The following POLD3 variants were observed in gnomAD, a reference collection of about 807,000 sequenced individuals.
POLD3 encodes DNA polymerase delta 3, accessory subunit.
Under a neutral mutation model 58.2 loss-of-function variants are expected in POLD3, and 19 were observed. The observed-to-expected ratio is 0.33, with a 90% CI of 0.23 to 0.48. The LOEUF (loss-of-function observed/expected upper bound fraction) is 0.48, where lower values mean the gene tolerates loss of function less well. Ranked by LOEUF, POLD3 falls within the 20% of genes least tolerant of loss-of-function variation. The pLI is 0.99. For synonymous variants in POLD3, 172 were observed against 193.5 expected (o/e 0.89, Z 0.92); for missense variants, 504 against 545.5 (o/e 0.92, Z 0.76).
intron 2 of POLD3, among the ~76,000 whole-genome samples, chr11:74,597,995 T>C (rs2031338547): frequency 6.6e-6 from 1 of 152,058 alleles, no homozygotes; most frequent in Admixed American, 6.6e-5. Flanking sequence ...GCAGGAGAAT[T>C]GTCTGAGCCC....
intron 4 of POLD3, among the ~76,000 whole-genome samples, chr11:74,664,788 C>A (rs1391956701): frequency 6.6e-6 from 1 of 152,158 alleles, no homozygotes; most frequent in Non-Finnish European, 1.5e-5. Context: ...AGGACAAAAA[C>A]CACACAATCA....
chr11:74,655,294 A>G (rs2033119611), intron 4 of POLD3, among the ~76,000 whole-genome samples: 1 of 152,284 alleles, frequency 6.6e-6, no homozygotes, highest in South Asian at 2.1e-4. Flanking sequence ...CGGAAATGAA[A>G]CAAACGAGAG....
intron 4 of POLD3, among the ~76,000 whole-genome samples, chr11:74,665,123 TA>T (rs1468269139): frequency 7.1e-6 from 1 of 140,946 alleles, no homozygotes; most frequent in East Asian, 2.0e-4. Context: ...AAAAATAAAA[TA>T]AATAAATAAA....
chr11:74,649,720 C>T (rs2033043948), intron 4 of POLD3, among the ~76,000 whole-genome samples: 1 of 152,092 alleles, frequency 6.6e-6, no homozygotes, highest in South Asian at 2.1e-4. Flanking sequence ...GAGACAGTTG[C>T]TTTTTGGCCA....
chr11:74,638,990 C>A (rs1591320247), intron 11 of POLD3, among the ~76,000 whole-genome samples: 1 of 152,164 alleles, frequency 6.6e-6, no homozygotes, highest in East Asian at 1.9e-4. Context: ...TGGGAACTCT[C>A]TGGGAAGGGA....
Position 74,634,657 on chromosome 11 carries a change from C to A in POLD3, c.1081C>A (p.Pro361Thr). The A allele has an allele frequency of 6.2e-7, 1 of 1,612,644 alleles. No individual in the cohort carries two copies. The highest frequency in any genetic ancestry group is 2.2e-5 in the East Asian group (1 of 44,844). The change falls in exon 10 of 12, where the codon CCA becomes ACA. Residue 361 changes from proline (P) to threonine (T), a missense_variant. Coordinates refer to ENST00000263681, the MANE Select transcript of POLD3 (RefSeq NM_006591.3). Reference sequence around the variant, plus strand: ...TCCTCCTCCGTCTCCACCTCTTGAACCAGTGCCAAAGACTGAGCCTGAACC... The same window carrying A: ...TCCTCCTCCGTCTCCACCTCTTGAAACAGTGCCAAAGACTGAGCCTGAACC... ...PPPPPSPPLE[P>T]VPKTEPEPPS...
At chr11:74,647,527 C>A (rs1241993620), downstream of POLD3, among the ~76,000 whole-genome samples, 1 of 152,162 alleles carries the variant, frequency 6.6e-6, no homozygotes, top group Non-Finnish European at 1.5e-5. Flanking sequence ...TTTGTGTCTT[C>A]AGATGCTGCA....
intron 4 of POLD3, among the ~76,000 whole-genome samples, chr11:74,658,780 A>G (rs866999514): frequency 6.6e-6 from 1 of 152,190 alleles, no homozygotes; most frequent in Non-Finnish European, 1.5e-5. Flanking sequence ...GTGGGTTCCC[A>G]TGGTCTTGGG....
intron 10 of POLD3, among the ~76,000 whole-genome samples, chr11:74,635,141 C>T (rs920645327): frequency 6.6e-5 from 10 of 152,004 alleles, no homozygotes; most frequent in African/African-American, 1.9e-4. Flanking sequence ...TAGCTTTGAA[C>T]GCTCTTCAGC....
intron 9 of POLD3, among the ~76,000 whole-genome samples, chr11:74,633,335 C>G (rs1278554454): frequency 6.6e-6 from 1 of 152,158 alleles, no homozygotes; most frequent in African/African-American, 2.4e-5. Flanking sequence ...GACCGCTTTC[C>G]TTTTATGTTT....
intron 3 of POLD3, among the ~76,000 whole-genome samples, chr11:74,610,654 G>GT (rs1201156567): frequency 6.6e-6 from 1 of 150,610 alleles, no homozygotes; most frequent in Non-Finnish European, 1.5e-5. Context: ...TTTAAAAGTT[G>GT]CTTTTTTAAA....
chr11:74,613,680 T>C (rs565921514), intron 5 of POLD3, among the ~76,000 whole-genome samples: 190 of 152,318 alleles, frequency 1.2e-3, no homozygotes, highest in Non-Finnish European at 2.3e-3. Flanking sequence ...ATTGAGCACC[T>C]ACTACTTTGA....
chr11:74,632,908 ACACACACACACACACAC>A (rs2032636466), intron 9 of POLD3, among the ~76,000 whole-genome samples: 1 of 150,620 alleles, frequency 6.6e-6, no homozygotes, highest in Non-Finnish European at 1.5e-5. Context: ...ACACACACAC[ACACACACACACACACAC>A]ACACACACAG....
chr11:74,656,268 T>C (rs2033132494), intron 4 of POLD3, among the ~76,000 whole-genome samples: 1 of 152,218 alleles, frequency 6.6e-6, no homozygotes, highest in South Asian at 2.1e-4. Flanking sequence ...AGGTTTTATA[T>C]GTTGTGTTTC....
At chr11:74,649,061 A>G (rs895672756) in intron 4 of POLD3, among the ~76,000 whole-genome samples, 1 of 152,116 alleles carries the variant, frequency 6.6e-6, no homozygotes, top group African/African-American at 2.4e-5. Flanking sequence ...TAGTTAAACC[A>G]TGGAGATGGG....
rs1432286233 is a variant in POLD3, at chr11:74,629,198, T to G, written c.900-19T>G. ...TTTGTTCTGTGTAACACGCTTAATTTATTTCTGGATGGCAACAGGGGGAAG... is the reference window on the plus strand; with the variant it reads ...TTTGTTCTGTGTAACACGCTTAATTGATTTCTGGATGGCAACAGGGGGAAG... On this transcript the variant is annotated intron_variant, in intron 8 of 11. Coordinates refer to ENST00000263681, the MANE Select transcript of POLD3 (RefSeq NM_006591.3). 4.8e-6 allele frequency: 7 copies of G among 1,459,544 alleles called. 1 individual carries two copies. The South Asian group carries it at 8.3e-5, about 17-fold the overall frequency. The allele number at this position is 1,459,544 out of a possible 1,614,324, so 90.4% of individuals were successfully genotyped here.
chr11:74,662,668 A>G (rs2135200755), intron 4 of POLD3, among the ~76,000 whole-genome samples: 1 of 152,192 alleles, frequency 6.6e-6, no homozygotes, highest in East Asian at 1.9e-4. Flanking sequence ...CAAGCACTCC[A>G]TTAGCCAACC....
chr11:74,629,844 T>C (rs1209566134), intron 9 of POLD3, among the ~76,000 whole-genome samples: 4 of 152,106 alleles, frequency 2.6e-5, no homozygotes, highest in African/African-American at 9.7e-5. Flanking sequence ...AACATTAATA[T>C]GCTTTTAAAA....
At chr11:74,660,131 G>T (rs2033187010) in intron 4 of POLD3, among the ~76,000 whole-genome samples, 1 of 152,176 alleles carries the variant, frequency 6.6e-6, no homozygotes, top group African/African-American at 2.4e-5. Context: ...AGAAAAATGA[G>T]GAGGAAGCAA....
Sources: gnomAD v4.1 joint callset for allele counts (sites outside exome capture counted in the v4.1 genomes callset) on GRCh38, gnomAD v4.1.1 for gene constraint, MANE v1.5 for transcripts, NCBI Gene and HGNC (gene_info 2026-07-23, HGNC 2026-07-21) for gene names.